Variants in ZFYVE9 observed in about 807,000 individuals in gnomAD.
ZFYVE9 encodes zinc finger FYVE domain-containing protein 9.
Under a neutral mutation model 126.7 loss-of-function variants are expected in ZFYVE9, and 43 were observed. That is an observed-to-expected ratio of 0.34 (90% CI 0.27 to 0.44). The LOEUF is 0.44. ZFYVE9 is among the 20% of genes least tolerant of loss of function. ZFYVE9 has a pLI of 1.00. For synonymous variants in ZFYVE9, 521 were observed against 597.4 expected, an observed-to-expected ratio of 0.87 and a Z score of 1.87; for missense variants, 1,476 against 1,697.0, an observed-to-expected ratio of 0.87 and a Z score of 2.29.
intron 13 of ZFYVE9, among the ~76,000 whole-genome samples, chr1:52,312,697 A>G (rs1264505067): frequency 1.3e-5 from 2 of 152,210 alleles, no homozygotes; most frequent in Non-Finnish European, 2.9e-5. Context: ...TTGCTCTGCT[A>G]CAAGAGTGAC....
At chr1:52,152,526 CT>C (rs1278672931) in intron 1 of ZFYVE9, among the ~76,000 whole-genome samples, 1 of 152,110 alleles carries the variant, frequency 6.6e-6, no homozygotes, top group Non-Finnish European at 1.5e-5. Context: ...AAAAATCTAG[CT>C]TTTTTTCTAG....
intron 10 of ZFYVE9, 106 bp downstream of exon 10, chr1:52,281,922 G>C: frequency 7.7e-7 from 1 of 1,300,438 alleles, no homozygotes; most frequent in Non-Finnish European, 1.1e-6. Context: ...CATGGCAGGG[G>C]ACTTTGATAT....
chr1:52,230,039 T>G (rs778014002), intron 2 of ZFYVE9, among the ~76,000 whole-genome samples: 1 of 152,098 alleles, frequency 6.6e-6, no homozygotes, highest in Non-Finnish European at 1.5e-5. Context: ...AGCTAATTTT[T>G]TTGTATTTTT....
At chr1:52,321,338 T>C (rs561396379) in intron 13 of ZFYVE9, among the ~76,000 whole-genome samples, 1 of 152,322 alleles carries the variant, frequency 6.6e-6, no homozygotes, top group East Asian at 1.9e-4. Flanking sequence ...TACATTTCTT[T>C]TAGGGAATTA....
intron 10 of ZFYVE9, among the ~76,000 whole-genome samples, chr1:52,284,565 G>T (rs909814020): frequency 6.6e-6 from 1 of 151,832 alleles, no homozygotes; most frequent in Non-Finnish European, 1.5e-5. Context: ...GACTACAGGC[G>T]CCCGCCACCA....
rs1044746526 is a variant in ZFYVE9 at position 52,188,306 on chromosome 1, C to T, written c.-142-28063C>T. Among the ~76,000 whole-genome samples the T allele has an allele frequency of 2.6e-4, 39 of 152,096 alleles. 2 individuals carry two copies. The highest frequency in any genetic ancestry group is 1.9e-3 in the Admixed American group (29 of 15,276). The stretch of plus-strand genomic sequence containing the variant: ...CACACAGACACAAAGAGGGGAACAA[C>T]GGACACTGGGTCCTACTGGAGGGTG... On this transcript the variant is annotated intron_variant, in intron 1 of 18. Coordinates refer to ENST00000287727, the MANE Select transcript of ZFYVE9 (RefSeq NM_004799.4).
At chr1:52,276,318 T>C (rs1217074425) in intron 8 of ZFYVE9, among the ~76,000 whole-genome samples, 2 of 152,218 alleles carry the variant, frequency 1.3e-5, no homozygotes, top group Non-Finnish European at 2.9e-5. Flanking sequence ...TATTTGCTAT[T>C]TTTTGAATAT....
intron 1 of ZFYVE9, among the ~76,000 whole-genome samples, chr1:52,194,939 C>T (rs1161325003): frequency 6.6e-6 from 1 of 151,774 alleles, no homozygotes; most frequent in Non-Finnish European, 1.5e-5. Flanking sequence ...TAATACTGCA[C>T]TGTGTAGTGC....
intron 1 of ZFYVE9, among the ~76,000 whole-genome samples, chr1:52,168,844 G>T (rs1644538159): frequency 6.6e-6 from 1 of 152,148 alleles, no homozygotes; most frequent in Non-Finnish European, 1.5e-5. Context: ...GCAAATTCTA[G>T]ATGAGGTATC....
Position 52,346,370 on chromosome 1 carries a change from G to T in ZFYVE9, c.*149G>T. 1.4e-6 allele frequency: 1 copy of T among 734,780 alleles called. No homozygotes were observed. The highest frequency in any genetic ancestry group is 2.0e-6 in the Non-Finnish European group (1 of 505,430). The allele number at this position is 734,780 out of a possible 1,614,324, so 45.5% of individuals were successfully genotyped here. A position where few individuals can be genotyped will look rare whatever the true frequency, so the allele number is the denominator to read the frequency against. On this transcript the variant is annotated 3_prime_UTR_variant, in exon 19 of 19. Transcript: ENST00000287727. ...GTGGGAGTGGGGGTTTGGGAGACGG[G>T]TGGGAAAGGGTGGTTGGGGGGACCG... is the stretch of plus-strand genomic sequence containing the variant.
chr1:52,334,651 GGTCT>G, intron 14 of ZFYVE9, 33 bp from the exon 15 acceptor site: 1 of 1,594,672 alleles, frequency 6.3e-7, no homozygotes, highest in South Asian at 1.1e-5. Context: ...TCCAGCTTAG[GGTCT>G]GTCTTACTAA....
Position 52,263,753 on chromosome 1 carries a change from T to TTCTCCCC in ZFYVE9, c.2179-20_2179-19insTCTCCCC. On this transcript the variant is annotated intron_variant, in intron 4 of 18. Coordinates refer to ENST00000287727, the MANE Select transcript of ZFYVE9 (RefSeq NM_004799.4). ...ATCCCAAGTAAATTTTGTGTGTTCTTCCCCCCCCCCCCCCCACAGGTTTTC... is the reference window on the plus strand; with the variant it reads ...ATCCCAAGTAAATTTTGTGTGTTCTTTCTCCCCCCCCCCCCCCCCCCCACAGGTTTTC... 1.4e-6 allele frequency: 1 copy of TTCTCCCC among 713,092 alleles called. No individual in the cohort carries two copies. The highest frequency in any genetic ancestry group is 2.0e-6 in the Non-Finnish European group (1 of 490,714). 44.2% of individuals were successfully genotyped at this position (713,092 alleles called of 1,614,324 possible).
In ZFYVE9 at chr1:52,344,927, A is replaced by C; in HGVS notation, c.4099A>C (p.Thr1367Pro). The C allele has an allele frequency of 6.2e-7, 1 of 1,614,160 alleles. No individual in the cohort carries two copies. The highest frequency in any genetic ancestry group is 8.5e-7 in the Non-Finnish European group (1 of 1,180,036). ...AATGACCAAACTGGGACTACGTGTG[A>C]CACTTGACTCAGATCAGGTATGATG... ...DGMTKLGLRV[T>P]LDSDQVGYQA... is the part of the protein sequence containing the mutation. Residue 1367 changes from threonine to proline, a missense_variant, in exon 18 of 19, where the codon ACA becomes CCA. By Grantham distance (38) the Thr-to-Pro change is conservative. Transcript: ENST00000287727.
At chr1:52,169,544 G>T (rs1644545011) in intron 1 of ZFYVE9, among the ~76,000 whole-genome samples, 1 of 152,052 alleles carries the variant, frequency 6.6e-6, no homozygotes, top group South Asian at 2.1e-4. Context: ...CTCTGCGAGG[G>T]CTCAGGTTTT....
intron 17 of ZFYVE9, 126 bp from the exon 18 acceptor site, chr1:52,344,642 G>A (rs1646468075): frequency 1.0e-6 from 1 of 957,752 alleles, no homozygotes; most frequent in South Asian, 1.9e-5. Context: ...GGGACTTTAT[G>A]GTGTCCTGTT....
chr1:52,267,761 C>A (rs1489113964), intron 6 of ZFYVE9, among the ~76,000 whole-genome samples: 2 of 152,064 alleles, frequency 1.3e-5, no homozygotes, highest in Non-Finnish European at 2.9e-5. Context: ...TCCCTAGTCT[C>A]TGTGTGTTTT....
At chr1:52,295,501 G>T (rs1026174386) in intron 11 of ZFYVE9, among the ~76,000 whole-genome samples, 3 of 151,992 alleles carry the variant, frequency 2.0e-5, no homozygotes, top group Admixed American at 2.0e-4. Flanking sequence ...GGGACTACAG[G>T]TGCATGCTAC....
intron 1 of ZFYVE9, among the ~76,000 whole-genome samples, chr1:52,156,055 C>CTATA (rs1644400348): frequency 1.3e-5 from 2 of 152,176 alleles, no homozygotes; most frequent in African/African-American, 4.8e-5. Flanking sequence ...CGTGATGGAT[C>CTATA]TATATGCTTT....
chr1:52,230,432 G>A (rs1369214069), intron 2 of ZFYVE9, among the ~76,000 whole-genome samples: 3 of 151,424 alleles, frequency 2.0e-5, no homozygotes, highest in African/African-American at 4.9e-5. Context: ...GGTGGGGATC[G>A]TACTTAGAGG....
Sources: allele counts gnomAD v4.1 joint callset (sites outside exome capture counted in the v4.1 genomes callset), GRCh38; gene constraint gnomAD v4.1.1; transcripts MANE v1.5; gene names NCBI Gene and HGNC (gene_info 2026-07-23, HGNC 2026-07-21).